Variants in NTM observed in about 807,000 individuals in gnomAD.
The protein encoded by NTM is IgLON family member 2.
NTM carries 13 observed loss-of-function variants against 42.1 expected under a neutral mutation model. That is an observed-to-expected ratio of 0.31 (90% confidence interval 0.20 to 0.49). NTM has a LOEUF of 0.49. Among genes scored for constraint, NTM ranks in the 20% least tolerant of loss-of-function variants. The probability of loss-of-function intolerance (pLI) is 0.99; values close to 1 mark genes in which losing one functional copy is unlikely to be tolerated. For synonymous variants in NTM, 187 were observed against 179.2 expected, an observed-to-expected ratio of 1.04 and a Z score of -0.35; for missense variants, 373 against 452.8, an observed-to-expected ratio of 0.82 and a Z score of 1.60.
At chr11:132,039,845 A>G (rs764272499) in intron 2 of NTM, among the ~76,000 whole-genome samples, 6 of 152,320 alleles carry the variant, frequency 3.9e-5, no homozygotes, top group African/African-American at 7.2e-5. Flanking sequence ...GTAAATCACC[A>G]TGAAATCTAC....
At chr11:131,807,042 G>A (rs1190649306) in intron 1 of NTM, among the ~76,000 whole-genome samples, 2 of 152,178 alleles carry the variant, frequency 1.3e-5, no homozygotes, top group African/African-American at 2.4e-5. Flanking sequence ...AAGCGTTTTA[G>A]GCTATTCTTT....
At chr11:131,453,369 A>G (rs1950622371) in intron 1 of NTM, among the ~76,000 whole-genome samples, 1 of 152,152 alleles carries the variant, frequency 6.6e-6, no homozygotes, top group Admixed American at 6.5e-5. Context: ...GAGTAGTCTG[A>G]ATTTTTTCAT....
intron 1 of NTM, among the ~76,000 whole-genome samples, chr11:131,559,350 G>C (rs2055899395): frequency 6.6e-6 from 1 of 152,220 alleles, no homozygotes; most frequent in African/African-American, 2.4e-5. Context: ...TTTCAATCGA[G>C]TGTTTCTTGA....
intron 2 of NTM, among the ~76,000 whole-genome samples, chr11:131,923,331 T>C (rs1279707472): frequency 2.0e-5 from 3 of 152,204 alleles, no homozygotes; most frequent in Admixed American, 2.0e-4. Flanking sequence ...AGGATATTTG[T>C]TGAGTGAATG....
chr11:132,318,966 C>T (rs1228359289), intron 7 of NTM, among the ~76,000 whole-genome samples: 4 of 152,154 alleles, frequency 2.6e-5, no homozygotes, highest in Admixed American at 2.6e-4. Context: ...TAGTGATGTA[C>T]AGCACCACAG....
chr11:132,212,452 A>T (rs921457139), intron 4 of NTM, among the ~76,000 whole-genome samples: 10 of 152,228 alleles, frequency 6.6e-5, no homozygotes, highest in African/African-American at 2.4e-4. Context: ...ATGATGGAAC[A>T]AAGCTTTAGT....
intron 1 of NTM, among the ~76,000 whole-genome samples, chr11:131,461,074 G>T (rs1345578232): frequency 6.6e-6 from 1 of 152,218 alleles, no homozygotes; most frequent in Non-Finnish European, 1.5e-5. Context: ...ATGTTTTCAA[G>T]TATAAGGGAA....
intron 1 of NTM, among the ~76,000 whole-genome samples, chr11:131,887,428 T>G (rs1032540344): frequency 3.3e-5 from 5 of 152,166 alleles, no homozygotes; most frequent in Non-Finnish European, 7.3e-5. Context: ...CTTTCTGGCT[T>G]CTTCTCCTGC....
intron 2 of NTM, among the ~76,000 whole-genome samples, chr11:132,096,836 C>A (rs566138819): frequency 6.6e-6 from 1 of 152,200 alleles, no homozygotes; most frequent in Admixed American, 6.5e-5. Flanking sequence ...AACAGGGTGA[C>A]CAAGGGTACC....
chr11:131,384,577 G>T (rs1366731262), intron 1 of NTM, among the ~76,000 whole-genome samples: 1 of 151,556 alleles, frequency 6.6e-6, no homozygotes, highest in East Asian at 1.9e-4. Context: ...GAGAGAGAGA[G>T]AGTGAGTGAG....
chr11:132,098,777 T>C (rs2061321601), intron 2 of NTM, among the ~76,000 whole-genome samples: 1 of 152,258 alleles, frequency 6.6e-6, no homozygotes, highest in Non-Finnish European at 1.5e-5. Flanking sequence ...CTGGGGTTGA[T>C]AGCTTAACAA....
intron 3 of NTM, among the ~76,000 whole-genome samples, chr11:132,169,320 C>CTTTACTTTTTTT: frequency 3.1e-5 from 1 of 32,358 alleles, no homozygotes; most frequent in Admixed American, 6.6e-4. Context: ...AATTTTTTTA[C>CTTTACTTTTTTT]TTTTTTTTTT....
chr11:131,859,081 T>C (rs949151340), intron 1 of NTM, among the ~76,000 whole-genome samples: 1 of 152,110 alleles, frequency 6.6e-6, no homozygotes, highest in African/African-American at 2.4e-5. Context: ...TCAACATCCA[T>C]CCATCCATCC....
intron 4 of NTM, among the ~76,000 whole-genome samples, chr11:132,299,946 CTTTTA>C (rs1027626130): frequency 6.6e-6 from 1 of 151,730 alleles, no homozygotes; most frequent in Non-Finnish European, 1.5e-5. Context: ...TATTTATATC[CTTTTA>C]TTTTTAGTTC....
intron 1 of NTM, chr11:131,537,524 G>T (rs555132018): frequency 5.3e-5 from 8 of 152,202 alleles, no homozygotes; most frequent in Non-Finnish European, 1.0e-4. Flanking sequence ...AGCTTCAAAA[G>T]GCTCTTATTA....
chr11:131,679,681 A>G (rs769469640), intron 1 of NTM, among the ~76,000 whole-genome samples: 1 of 151,458 alleles, frequency 6.6e-6, no homozygotes. Context: ...AGGTAGTAAG[A>G]AATATTGTAA....
chr11:132,302,791 G>T (rs962144141), intron 4 of NTM, among the ~76,000 whole-genome samples: 2 of 152,200 alleles, frequency 1.3e-5, no homozygotes, highest in Non-Finnish European at 2.9e-5. Flanking sequence ...GAGGCCTGGT[G>T]TGCTCCATCA....
intron 1 of NTM, among the ~76,000 whole-genome samples, chr11:131,668,646 G>A (rs186769956): frequency 7.8e-4 from 118 of 152,234 alleles, no homozygotes; most frequent in Admixed American, 3.3e-3. Context: ...AAGTGAGTGA[G>A]GGAATTAAAT....
At chr11:132,009,586 C>A (rs561526457) in intron 2 of NTM, among the ~76,000 whole-genome samples, 1 of 152,274 alleles carries the variant, frequency 6.6e-6, no homozygotes, top group Non-Finnish European at 1.5e-5. Flanking sequence ...AGCACAAGCC[C>A]CCAGGGACGT....
Sources: allele counts gnomAD v4.1 joint callset (sites outside exome capture counted in the v4.1 genomes callset), GRCh38; gene constraint gnomAD v4.1.1; transcripts MANE v1.5; gene names NCBI Gene and HGNC (gene_info 2026-07-23, HGNC 2026-07-21).